ADARB2: variants seen among roughly 807,000 people sequenced by gnomAD.
The protein encoded by ADARB2 is inactive double-stranded RNA-specific editase B2.
In ADARB2, 25 loss-of-function variants were observed where a neutral mutation model predicts 62.2. That is an observed-to-expected ratio of 0.40 (90% CI 0.29 to 0.56). The LOEUF is 0.56. Ranked by LOEUF, ADARB2 falls within the 20% of genes least tolerant of loss-of-function variation. The pLI is 0.43. For missense variants in ADARB2, 1,071 were observed against 1,077.4 expected (o/e 0.99, Z 0.08); for synonymous variants, 572 against 500.8 (o/e 1.14, Z -1.90).
intron 1 of ADARB2, among the ~76,000 whole-genome samples, chr10:1,541,025 C>T (rs1269419119): frequency 2.2e-3 from 137 of 63,540 alleles, no homozygotes; most frequent in African/African-American, 9.1e-3. Flanking sequence ...CCGTCCAGAC[C>T]CCACTCAGAC....
chr10:1,405,787 T>C (rs1235283444), intron 1 of ADARB2, among the ~76,000 whole-genome samples: 1 of 152,106 alleles, frequency 6.6e-6, no homozygotes, highest in Admixed American at 6.5e-5. Flanking sequence ...ATTAAACCCT[T>C]CGCCAAGATG....
chr10:1,374,596 C>A (rs911305522), intron 2 of ADARB2, among the ~76,000 whole-genome samples: 1 of 152,124 alleles, frequency 6.6e-6, no homozygotes, highest in Non-Finnish European at 1.5e-5. Flanking sequence ...GGGGCCAGGC[C>A]GGGTGGGTCT....
intron 1 of ADARB2, among the ~76,000 whole-genome samples, chr10:1,552,722 G>T (rs1321140844): frequency 1.3e-5 from 2 of 151,524 alleles, no homozygotes; most frequent in African/African-American, 4.8e-5. Context: ...GAGGGAAGGG[G>T]AGAGGAGGGA....
chr10:1,419,614 A>G (rs1271103180), intron 1 of ADARB2, among the ~76,000 whole-genome samples: 1 of 152,238 alleles, frequency 6.6e-6, no homozygotes, highest in Non-Finnish European at 1.5e-5. Context: ...GCTGCAGTAA[A>G]TTAAGCCTGA....
At chr10:1,532,515 AC>A (rs1057093300) in intron 1 of ADARB2, among the ~76,000 whole-genome samples, 1 of 151,162 alleles carries the variant, frequency 6.6e-6, no homozygotes, top group Non-Finnish European at 1.5e-5. Flanking sequence ...TGGGAAATTC[AC>A]CCCCTGGCAT....
chr10:1,531,762 C>T (rs980452713), intron 1 of ADARB2, among the ~76,000 whole-genome samples: 14 of 152,038 alleles, frequency 9.2e-5, no homozygotes, highest in South Asian at 2.1e-4. Context: ...ACTTGAACCC[C>T]GGAGGCGGAG....
intron 1 of ADARB2, among the ~76,000 whole-genome samples, chr10:1,708,393 T>G (rs1834916473): frequency 6.6e-6 from 1 of 152,168 alleles, no homozygotes; most frequent in Non-Finnish European, 1.5e-5. Flanking sequence ...AAGGAAAGAA[T>G]GCATTTACTT....
At chr10:1,545,780 C>T (rs189087166) in intron 1 of ADARB2, among the ~76,000 whole-genome samples, 251 of 152,234 alleles carry the variant, frequency 1.6e-3, no homozygotes, top group African/African-American at 5.8e-3. Flanking sequence ...TGAGGGCGCA[C>T]GGGGCATGTA....
chr10:1,467,853 C>A (rs1281440084), intron 1 of ADARB2, among the ~76,000 whole-genome samples: 2 of 152,154 alleles, frequency 1.3e-5, no homozygotes, highest in African/African-American at 2.4e-5. Flanking sequence ...TCTGACATAG[C>A]GCTGTGTCCC....
intron 1 of ADARB2, among the ~76,000 whole-genome samples, chr10:1,615,935 T>C (rs905508098): frequency 1.3e-5 from 2 of 152,190 alleles, no homozygotes; most frequent in Non-Finnish European, 2.9e-5. Context: ...CTGTGACCCC[T>C]AAATAAGGAG....
At chr10:1,367,874 G>C (rs565257435) in intron 2 of ADARB2, among the ~76,000 whole-genome samples, 2 of 152,308 alleles carry the variant, frequency 1.3e-5, no homozygotes, top group Admixed American at 1.3e-4. Flanking sequence ...AATGTCCTAC[G>C]ACTCTCAGAA....
intron 1 of ADARB2, among the ~76,000 whole-genome samples, chr10:1,453,136 G>A (rs2820629): frequency 0.87 from 132,283 of 152,262 alleles, 58,000 homozygotes; most frequent in Middle Eastern, 0.94. Flanking sequence ...TCTGCAAAAC[G>A]TGGCCTTGAA....
At chr10:1,262,883 T>A (rs71216963) in intron 4 of ADARB2, among the ~76,000 whole-genome samples, 2 of 152,206 alleles carry the variant, frequency 1.3e-5, no homozygotes, top group Non-Finnish European at 2.9e-5. Flanking sequence ...AACCAAGCCA[T>A]ATGTCCAACA....
intron 1 of ADARB2, among the ~76,000 whole-genome samples, chr10:1,599,722 G>A (rs559682035): frequency 4.7e-4 from 71 of 152,224 alleles, no homozygotes; most frequent in African/African-American, 1.5e-3. Context: ...TCCTCTGTCT[G>A]GAAGCCTTTG....
intron 1 of ADARB2, among the ~76,000 whole-genome samples, chr10:1,379,790 C>G (rs534157075): frequency 1.3e-5 from 2 of 152,252 alleles, no homozygotes; most frequent in East Asian, 3.9e-4. Context: ...AAGCCTGTGG[C>G]CAGGTAAGCA....
intron 1 of ADARB2, among the ~76,000 whole-genome samples, chr10:1,623,437 T>G (rs1833731668): frequency 6.6e-6 from 1 of 152,246 alleles, no homozygotes; most frequent in African/African-American, 2.4e-5. Context: ...CTTACTTGAT[T>G]ACACTTGAGT....
chr10:1,452,579 G>T (rs1309798872), intron 1 of ADARB2, among the ~76,000 whole-genome samples: 2 of 150,504 alleles, frequency 1.3e-5, no homozygotes, highest in African/African-American at 2.5e-5. Context: ...TCACTCGTAA[G>T]TGGGAGCTGA....
In ADARB2 at chr10:1,446,764, A is replaced by G. The variant is rs534127438; in HGVS notation, c.101-67604T>C. Among the ~76,000 whole-genome samples, 9 of 152,276 alleles carry G rather than the reference A, an allele frequency of 5.9e-5. No individual in the cohort carries two copies. In the East Asian group the frequency reaches 1.5e-3, roughly 26 times the overall value. On this transcript the variant is annotated intron_variant, in intron 1 of 9. Transcript: ENST00000381312. ...AACGTTCTTGTATGCAAGTTCGCCT[A>G]TTATAGTGCTTGGTTCAGAGTGGAC...
chr10:1,280,570 A>G (rs932678271), intron 3 of ADARB2, among the ~76,000 whole-genome samples: 1 of 151,102 alleles, frequency 6.6e-6, no homozygotes, highest in Non-Finnish European at 1.5e-5. Context: ...GCTCCGTGAA[A>G]TTCCTAAGTG....
Sources: gnomAD v4.1 joint callset for allele counts (sites outside exome capture counted in the v4.1 genomes callset) on GRCh38, gnomAD v4.1.1 for gene constraint, MANE v1.5 for transcripts, NCBI Gene and HGNC (gene_info 2026-07-23, HGNC 2026-07-21) for gene names.